TUBB6: variants seen among roughly 807,000 people sequenced by gnomAD.
TUBB6 encodes tubulin beta-6 chain.
Under a neutral mutation model 32.3 loss-of-function variants are expected in TUBB6, and 18 were observed. The ratio of observed to expected loss-of-function variants is 0.56; its 90% CI spans 0.39 to 0.83. The LOEUF is 0.83. Among genes scored for constraint, TUBB6 ranks in the 40% least tolerant of loss-of-function variants. The pLI, the probability that TUBB6 is intolerant of heterozygous loss-of-function variation, is 0.00. For missense variants in TUBB6, 480 were observed against 632.0 expected, an observed-to-expected ratio of 0.76 and a Z score of 2.58; for synonymous variants, 280 against 265.8, an observed-to-expected ratio of 1.05 and a Z score of -0.52.
At position 12,324,945 on chromosome 18, in the gene TUBB6, G is replaced by A. The variant is rs1907192211; in HGVS notation, c.278-122G>A. The A allele has an allele frequency of 2.0e-6, 3 of 1,498,752 alleles. No individual in the cohort carries two copies. In the East Asian group the frequency reaches 6.9e-5, roughly 34 times the overall value. 92.8% of individuals were successfully genotyped at this position (1,498,752 alleles called of 1,614,324 possible). A position where few individuals can be genotyped will look rare whatever the true frequency, so the allele number is the denominator to read the frequency against. ...ACCGTTGGTGGGTGCCTGTTTCCCC[G>A]GCCCCTCCCTTTGGCTAACAGCACA... is the stretch of plus-strand genomic sequence containing the variant. On this transcript the variant is annotated intron_variant, in intron 3 of 3. Coordinates refer to ENST00000317702, the MANE Select transcript of TUBB6 (RefSeq NM_032525.3).
At chr18:12,320,780 T>G (rs1441440188) in intron 3 of TUBB6, 1 of 152,260 alleles carries the variant, frequency 6.6e-6, no homozygotes, top group Non-Finnish European at 1.5e-5. Context: ...TATTATAAAT[T>G]GTTCCTCAGT....
downstream of TUBB6, among the ~76,000 whole-genome samples, chr18:12,327,569 T>A (rs1438098582): frequency 6.6e-6 from 1 of 152,174 alleles, no homozygotes; most frequent in Non-Finnish European, 1.5e-5. Flanking sequence ...AAAATAAATC[T>A]TACCAGCTCA....
In TUBB6 at chr18:12,325,571, C is replaced by T. The variant is rs778965301; in HGVS notation, c.782C>T (p.Pro261Leu). Residue 261 changes from proline (P) to leucine (L), a missense_variant, in exon 4 of 4, where the codon CCG (proline) becomes CTG (leucine). Coordinates refer to ENST00000317702, the MANE Select transcript of TUBB6 (RefSeq NM_032525.3). ...RKLAVNMVPF[P>L]RLHFFMPGFA... is the part of the protein sequence containing the mutation. ...CTGGCGGTGAACATGGTGCCCTTCC[C>T]GCGCCTGCACTTCTTCATGCCTGGC... is the stretch of plus-strand genomic sequence containing the variant. 5 of 1,614,090 alleles carry T rather than the reference C, an allele frequency of 3.1e-6. No homozygotes were observed. The highest frequency in any genetic ancestry group is 2.2e-5 in the South Asian group (2 of 91,086).
At chr18:12,324,751 A>C in intron 3 of TUBB6, 1 of 1,258,786 alleles carries the variant, frequency 7.9e-7, no homozygotes, top group Non-Finnish European at 1.0e-6. Flanking sequence ...GCGCCCGGCC[A>C]GTAACTTATT....
At chr18:12,325,041 A>G in intron 3 of TUBB6, 26 bp from the exon 4 acceptor site, 3 of 1,543,678 alleles carry the variant, frequency 1.9e-6, no homozygotes, top group Non-Finnish European at 2.6e-6. Context: ...TCCTGTTTAA[A>G]CGGCACGGGA....
rs117136262 is a variant in TUBB6, at chr18:12,318,395, G to T, written c.278-6672G>T. On this transcript the variant is annotated intron_variant, in intron 3 of 3. Transcript: ENST00000317702. ...GCAGGAAGAAGAGAATCCCCTGTTTGTAAGAGAACAGTCACATACTAGATG... is the reference window on the plus strand; with the variant it reads ...GCAGGAAGAAGAGAATCCCCTGTTTTTAAGAGAACAGTCACATACTAGATG... Among the ~76,000 whole-genome samples, 956 of 149,020 alleles carry T rather than the reference G, an allele frequency of 6.4e-3. 9 individuals are homozygous for T. Among genetic ancestry groups the T allele is most frequent in the South Asian group, 8.5e-3 (39 of 4,602 alleles).
chr18:12,309,397 TTCCCC>T (rs1568118076), intron 2 of TUBB6, among the ~76,000 whole-genome samples: 1 of 13,272 alleles, frequency 7.5e-5, no homozygotes, highest in Non-Finnish European at 1.3e-4. Flanking sequence ...AAAACAAAGC[TTCCCC>T]CCCCCCCCCC....
chr18:12,325,993 G>A lies in TUBB6; in HGVS notation c.1204G>A (p.Gly402Ser). Residue 402 changes from glycine (G) to serine (S), a missense_variant, in exon 4 of 4, where the codon GGC becomes AGC. Transcript: ENST00000317702. ...KAFLHWFTGE[G>S]MDEMEFTEAE... ...CTTCCTGCACTGGTTCACGGGTGAGGGCATGGATGAAATGGAGTTCACCGA... is the reference window on the plus strand; with the variant it reads ...CTTCCTGCACTGGTTCACGGGTGAGAGCATGGATGAAATGGAGTTCACCGA... The A allele has an allele frequency of 1.9e-6, 3 of 1,614,154 alleles. No homozygotes were observed. Among genetic ancestry groups the A allele is most frequent in the Non-Finnish European group, 2.5e-6 (3 of 1,180,050 alleles).
chr18:12,310,920 T>G, intron 2 of TUBB6, 23 bp from the exon 3 acceptor site: 1 of 1,541,530 alleles, frequency 6.5e-7, no homozygotes, highest in Non-Finnish European at 8.9e-7. Flanking sequence ...GTAACTCTTG[T>G]GGGTGGTTCT....
At chr18:12,323,698 CT>C (rs1907105960) in intron 3 of TUBB6, among the ~76,000 whole-genome samples, 2 of 151,892 alleles carry the variant, frequency 1.3e-5, no homozygotes, top group Non-Finnish European at 2.9e-5. Context: ...GTCACAGCTA[CT>C]TGGGAGGCTG....
At chr18:12,328,848 G>C (rs1907418562), downstream of TUBB6, 1 of 327,184 alleles carries the variant, frequency 3.1e-6, no homozygotes, top group Non-Finnish European at 5.7e-6. Context: ...CAGCGAGGCT[G>C]AGATTTTGAA....
At chr18:12,329,083 C>G, downstream of TUBB6, 4 of 701,010 alleles carry the variant, frequency 5.7e-6, no homozygotes, top group Non-Finnish European at 1.0e-5. Context: ...GATCTGGATT[C>G]AATCTTTAAA....
chr18:12,308,304 C>A lies in TUBB6; in HGVS notation c.12C>A (p.Ile4=). 3 of 1,479,096 alleles carry A rather than the reference C, an allele frequency of 2.0e-6. No individual in the cohort carries two copies. The highest frequency in any genetic ancestry group is 2.7e-6 in the Non-Finnish European group (3 of 1,110,120). 91.6% of individuals were successfully genotyped at this position (1,479,096 alleles called of 1,614,324 possible). Residue 4 remains isoleucine (I), a synonymous_variant, in exon 1 of 4, where the codon ATC becomes ATA. Transcript: ENST00000317702. ...GAGCCGCGCCCGCCATGAGGGAGAT[C>A]GTGCACATCCAGGCGGGCCAGTGCG... The part of the protein sequence containing the change: MRE[I]VHIQAGQCGN...
chr18:12,321,479 C>G (rs1906984295), intron 3 of TUBB6, among the ~76,000 whole-genome samples: 1 of 152,200 alleles, frequency 6.6e-6, no homozygotes. Context: ...TAAAGATTGA[C>G]AAGTGAAAGG....
downstream of TUBB6, chr18:12,328,795 T>C (rs148037159): frequency 1.7e-3 from 426 of 245,474 alleles, 2 homozygotes; most frequent in African/African-American, 9.1e-3. Context: ...ACAGGACACA[T>C]AACTCTAGAA....
chr18:12,327,878 C>T (rs767872069), downstream of TUBB6, among the ~76,000 whole-genome samples: 55 of 152,360 alleles, frequency 3.6e-4, no homozygotes, highest in Admixed American at 3.3e-4. Context: ...GGGCAGCCCA[C>T]GCTGGCTCCA....
rs752317064 is a variant in TUBB6 at position 12,325,366 on chromosome 18, G to C, written c.577G>C (p.Val193Leu). The stretch of plus-strand genomic sequence containing the variant: ...TGCCACACTGTCGGTGCACCAGCTG[G>C]TGGAGAATACAGACGAGACCTACTG... ...YNATLSVHQLVENTDETYCID... is the reference protein window; with the variant it reads ...YNATLSVHQLLENTDETYCID... Residue 193 changes from valine to leucine, a missense_variant, in exon 4 of 4, where the codon GTG becomes CTG. By Grantham distance (32) the Val-to-Leu change is conservative. Coordinates refer to ENST00000317702, the MANE Select transcript of TUBB6 (RefSeq NM_032525.3). The C allele has an allele frequency of 1.9e-6, 3 of 1,614,224 alleles. No homozygotes were observed. The South Asian group carries it at 3.3e-5, about 18-fold the overall frequency.
rs117619444 is a variant in TUBB6, at chr18:12,309,168, T to A, written c.166+373T>A. Among the ~76,000 whole-genome samples, 425 of 151,764 alleles carry A rather than the reference T, an allele frequency of 2.8e-3. 3 individuals are homozygous for A. Among genetic ancestry groups the A allele is most frequent in the East Asian group, 5.9e-3 (30 of 5,128 alleles). On this transcript the variant is annotated intron_variant, in intron 2 of 3. Transcript: ENST00000317702. Reference sequence around the variant, plus strand: ...GAGTTCAGGACCAGCCTGGGCAGCATAGGAGACCACCCCCCGCCCCCCTCC... The same window carrying A: ...GAGTTCAGGACCAGCCTGGGCAGCAAAGGAGACCACCCCCCGCCCCCCTCC...
At chr18:12,308,408 TC>T in intron 1 of TUBB6, 59 bp downstream of exon 1, 1 of 1,252,466 alleles carries the variant, frequency 8.0e-7, no homozygotes. Flanking sequence ...GCCCCGGGTC[TC>T]CCGGCGCGAC....
Sources: allele counts gnomAD v4.1 joint callset (sites outside exome capture counted in the v4.1 genomes callset), GRCh38; gene constraint gnomAD v4.1.1; transcripts MANE v1.5; gene names NCBI Gene and HGNC (gene_info 2026-07-23, HGNC 2026-07-21).